Variants in POLE2 observed in about 807,000 individuals in gnomAD.
The protein encoded by POLE2 is DNA polymerase epsilon 2, accessory subunit.
A neutral mutation model predicts 79.4 loss-of-function variants in POLE2; 56 were observed. The observed-to-expected ratio is 0.71, with a 90% CI of 0.57 to 0.88. The LOEUF (loss-of-function observed/expected upper bound fraction) is 0.88, where lower values mean the gene tolerates loss of function less well. Among genes scored for constraint, POLE2 ranks in the 40% least tolerant of loss-of-function variants. The pLI, the probability that POLE2 is intolerant of heterozygous loss-of-function variation, is 0.00. For missense variants in POLE2, 598 were observed against 638.9 expected, an observed-to-expected ratio of 0.94 and a Z score of 0.69; for synonymous variants, 212 against 214.0, an observed-to-expected ratio of 0.99 and a Z score of 0.08.
rs1489401071 is a variant in POLE2 at position 49,683,580 on chromosome 14, A to T, written c.169+13T>A. 1 of 1,257,984 alleles carries T rather than the reference A, an allele frequency of 7.9e-7. No homozygotes were observed. Among genetic ancestry groups the T allele is most frequent in the Non-Finnish European group, 1.2e-6 (1 of 866,966 alleles). The allele number at this position is 1,257,984 out of a possible 1,614,324, so 77.9% of individuals were successfully genotyped here. ...TATTAACAATTTAGGAGTTATCAGA[A>T]AATATTACTTACAGGGTTGCTTCTC... On this transcript the variant is annotated intron_variant, in intron 2 of 18. Coordinates refer to ENST00000216367, the MANE Select transcript of POLE2 (RefSeq NM_002692.4).
chr14:49,669,472 A>T (rs1284361478), intron 6 of POLE2, 52 bp downstream of exon 6: 13 of 860,856 alleles, frequency 1.5e-5, no homozygotes, highest in Non-Finnish European at 2.3e-5. Context: ...TAAGCAACAA[A>T]TATTAAACTT....
chr14:49,657,489 G>C (rs566875777), intron 10 of POLE2, among the ~76,000 whole-genome samples: 1 of 149,672 alleles, frequency 6.7e-6, no homozygotes, highest in African/African-American at 2.5e-5. Context: ...CTGGAGTGCA[G>C]TGCTGCAGCG....
chr14:49,660,204 G>T (rs549804700), intron 10 of POLE2, among the ~76,000 whole-genome samples: 2 of 152,274 alleles, frequency 1.3e-5, no homozygotes, highest in Admixed American at 6.5e-5. Flanking sequence ...TGTCACACAG[G>T]TTTGTAGCAC....
At chr14:49,646,083 G>A (rs1178092226) in intron 18 of POLE2, among the ~76,000 whole-genome samples, 13 of 152,104 alleles carry the variant, frequency 8.5e-5, no homozygotes, top group South Asian at 2.1e-4. Context: ...GATATCCAGC[G>A]TAGACAAGTG....
chr14:49,652,403 C>T (rs1884336691), intron 15 of POLE2, among the ~76,000 whole-genome samples: 1 of 151,750 alleles, frequency 6.6e-6, no homozygotes, highest in Admixed American at 6.6e-5. Flanking sequence ...GAGCAGGGCT[C>T]CTCAACCTCC....
At chr14:49,647,510 G>A in intron 17 of POLE2, 150 bp from the exon 18 acceptor site, 1 of 282,538 alleles carries the variant, frequency 3.5e-6, no homozygotes, top group Non-Finnish European at 6.6e-6. Flanking sequence ...CCAGGCTGGA[G>A]TGCAGTGGGG....
chr14:49,651,256 T>C lies in POLE2; in HGVS notation c.1320+13A>G. ...CATGTAAGGCAGTTTAATAAAAAAGTTGTTTCACTTACGTGATTAGGAATA... is the reference window on the plus strand; with the variant it reads ...CATGTAAGGCAGTTTAATAAAAAAGCTGTTTCACTTACGTGATTAGGAATA... On this transcript the variant is annotated intron_variant, in intron 16 of 18. Coordinates refer to ENST00000216367, the MANE Select transcript of POLE2 (RefSeq NM_002692.4). 7.9e-7 allele frequency: 1 copy of C among 1,270,118 alleles called. No individual in the cohort carries two copies. The highest frequency in any genetic ancestry group is 1.1e-6 in the Non-Finnish European group (1 of 875,138). 78.7% of individuals were successfully genotyped at this position (1,270,118 alleles called of 1,614,324 possible).
chr14:49,670,713 G>C (rs1034621520), intron 5 of POLE2, among the ~76,000 whole-genome samples: 3 of 151,780 alleles, frequency 2.0e-5, no homozygotes, highest in African/African-American at 7.3e-5. Context: ...GCTACTAGTG[G>C]AGATCTTTGT....
chr14:49,670,315 T>C (rs1885789056), intron 5 of POLE2, among the ~76,000 whole-genome samples: 2 of 37,394 alleles, frequency 5.3e-5, no homozygotes, highest in Non-Finnish European at 8.6e-5. Flanking sequence ...AAACTGTGTC[T>C]CCAAAAAAAA....
At chr14:49,683,180 C>A (rs1310958587) in intron 2 of POLE2, among the ~76,000 whole-genome samples, 2 of 152,196 alleles carry the variant, frequency 1.3e-5, no homozygotes, top group African/African-American at 4.8e-5. Flanking sequence ...GGCAGGTGGA[C>A]TGCGTGAGCC....
Position 49,651,367 on chromosome 14 carries a change from A to T in POLE2, c.1222T>A (p.Cys408Ser). 7.0e-7 allele frequency: 1 copy of T among 1,424,972 alleles called. No homozygotes were observed. Among genetic ancestry groups the T allele is most frequent in the Non-Finnish European group, 9.7e-7 (1 of 1,032,460 alleles). 88.3% of individuals were successfully genotyped at this position (1,424,972 alleles called of 1,614,324 possible). ...CGGAAGACAGTAATTTCCTGTGTACAGTACTGAATTCTGAAATGAAAACAG... is the reference window on the plus strand; with the variant it reads ...CGGAAGACAGTAATTTCCTGTGTACTGTACTGAATTCTGAAATGAAAACAG... ...FTTNPCRIQY[C>S]TQEITVFRED... The change falls in exon 16 of 19, where the codon TGT (cysteine) becomes AGT (serine). Residue 408 changes from cysteine to serine, a missense_variant. Transcript: ENST00000216367.
intron 7 of POLE2, 93 bp from the exon 8 acceptor site, chr14:49,665,256 T>C (rs1267350651): frequency 7.6e-6 from 5 of 656,236 alleles, no homozygotes; most frequent in African/African-American, 3.7e-5. Flanking sequence ...CAGAATACAA[T>C]AGGGAGAAAG....
chr14:49,670,309 T>G (rs1885788394), intron 5 of POLE2, among the ~76,000 whole-genome samples: 1 of 103,934 alleles, frequency 9.6e-6, no homozygotes. Context: ...AGAGCGAAAC[T>G]GTGTCTCCAA....
intron 10 of POLE2, among the ~76,000 whole-genome samples, chr14:49,658,940 A>G (rs1884907380): frequency 6.6e-6 from 1 of 151,968 alleles, no homozygotes; most frequent in South Asian, 2.1e-4. Flanking sequence ...GTCCTTCAGG[A>G]GGTCCTTCAA....
intron 3 of POLE2, chr14:49,677,426 A>G: frequency 2.1e-6 from 1 of 473,336 alleles, no homozygotes; most frequent in Non-Finnish European, 3.9e-6. Flanking sequence ...CAGGGACCTG[A>G]AGCCCACCAC....
chr14:49,647,227 A>T (rs2139601499), intron 18 of POLE2, 66 bp downstream of exon 18: 1 of 805,070 alleles, frequency 1.2e-6, no homozygotes, highest in Non-Finnish European at 2.1e-6. Flanking sequence ...CTGATAGAAC[A>T]TCTCATTTTC....
At chr14:49,664,222 GC>G (rs1226727701) in intron 9 of POLE2, among the ~76,000 whole-genome samples, 3 of 150,938 alleles carry the variant, frequency 2.0e-5, no homozygotes, top group African/African-American at 7.3e-5. Flanking sequence ...GGTGGCATGC[GC>G]CTATAATCTC....
intron 17 of POLE2, among the ~76,000 whole-genome samples, chr14:49,648,373 TG>T (rs1181097177): frequency 3.3e-5 from 5 of 152,204 alleles, no homozygotes; most frequent in African/African-American, 7.2e-5. Context: ...TAGGAGGTGG[TG>T]GTTTACTCAC....
At chr14:49,674,754 T>C (rs1401402584) in intron 3 of POLE2, among the ~76,000 whole-genome samples, 3 of 151,564 alleles carry the variant, frequency 2.0e-5, no homozygotes, top group African/African-American at 7.3e-5. Context: ...TTAGTAGAGA[T>C]GGGGTTTCTC....
Sources: allele counts gnomAD v4.1 joint callset (sites outside exome capture counted in the v4.1 genomes callset), GRCh38; gene constraint gnomAD v4.1.1; transcripts MANE v1.5; gene names NCBI Gene and HGNC (gene_info 2026-07-23, HGNC 2026-07-21).